The following GAPVD1 variants were observed in gnomAD, a reference collection of about 807,000 sequenced individuals.
GAPVD1 encodes the protein GTPase activating protein and VPS9 domains 1.
A neutral mutation model predicts 155.5 loss-of-function variants in GAPVD1; 35 were observed. That is an observed-to-expected ratio of 0.23 (90% CI 0.17 to 0.30). The LOEUF (loss-of-function observed/expected upper bound fraction) is 0.30, where lower values mean the gene tolerates loss of function less well. Among genes scored for constraint, GAPVD1 ranks in the 10% least tolerant of loss-of-function variants. The probability of loss-of-function intolerance (pLI) is 1.00; values close to 1 mark genes in which losing one functional copy is unlikely to be tolerated. For missense variants in GAPVD1, 1,429 were observed against 1,775.7 expected (o/e 0.80, Z 3.51); for synonymous variants, 636 against 619.7 (o/e 1.03, Z -0.39).
chr9:125,289,286 T>G (rs767864153), intron 2 of GAPVD1, among the ~76,000 whole-genome samples: 2 of 152,150 alleles, frequency 1.3e-5, no homozygotes, highest in Non-Finnish European at 2.9e-5. Flanking sequence ...AGCCCTATGA[T>G]TTGACTCATG....
chr9:125,362,472 A>G (rs1378429888), intron 27 of GAPVD1, 134 bp from the exon 28 acceptor site: 12 of 724,838 alleles, frequency 1.7e-5, no homozygotes, highest in Non-Finnish European at 2.6e-5. Flanking sequence ...ATTACTTCCA[A>G]AAAATAACTT....
At position 125,334,776 on chromosome 9, in the gene GAPVD1, G is replaced by A. The variant is rs989078164; in HGVS notation, c.2428+2147G>A. On this transcript the variant is annotated intron_variant, in intron 15 of 27. Transcript: ENST00000297933. ...AAAAAAATTAGCCAGGTGTGGTGGC[G>A]CATGCCTGTGGTCCCATCTTTAAAA... Among the ~76,000 whole-genome samples the A allele has an allele frequency of 2.0e-5, 3 of 146,764 alleles. 1 individual carries two copies. The highest frequency in any genetic ancestry group is 4.4e-4 in the South Asian group (2 of 4,500).
intron 2 of GAPVD1, among the ~76,000 whole-genome samples, chr9:125,287,451 G>A (rs559192792): frequency 1.9e-4 from 29 of 152,168 alleles, no homozygotes; most frequent in Non-Finnish European, 3.4e-4. Context: ...GAGGCACAGA[G>A]CCATGATGGT....
In GAPVD1 at chr9:125,364,129, G is replaced by A. The variant is rs1388048792; in HGVS notation, c.*1383G>A. 1.3e-5 allele frequency: 2 copies of A among 152,220 alleles called. No individual in the cohort carries two copies. The highest frequency in any genetic ancestry group is 1.3e-4 in the Admixed American group (2 of 15,278). The allele number at this position is 152,220 out of a possible 1,614,324, so 9.4% of individuals were successfully genotyped here. The stretch of plus-strand genomic sequence containing the variant: ...GAGCATTTCCAGGCATCTTTTAAGG[G>A]AACTGTGACAAACAGCCTCGGGCAG... On this transcript the variant is annotated 3_prime_UTR_variant, in exon 28 of 28. Transcript: ENST00000297933.
intron 9 of GAPVD1, among the ~76,000 whole-genome samples, chr9:125,318,183 C>T (rs1158858852): frequency 2.0e-5 from 3 of 152,124 alleles, no homozygotes; most frequent in African/African-American, 7.2e-5. Flanking sequence ...CAGGGTTTCA[C>T]TTTATGTTGG....
intron 18 of GAPVD1, chr9:125,341,996 C>A: frequency 5.1e-6 from 2 of 391,264 alleles, no homozygotes; most frequent in South Asian, 8.4e-5. Context: ...CAATGGATTC[C>A]TGTTAAATTA....
intron 3 of GAPVD1, among the ~76,000 whole-genome samples, chr9:125,297,939 T>G (rs965366782): frequency 1.3e-5 from 2 of 152,036 alleles, no homozygotes; most frequent in Non-Finnish European, 2.9e-5. Context: ...AGAAACGGGG[T>G]TTCATCATGT....
At chr9:125,288,006 C>G (rs1837987397) in intron 2 of GAPVD1, 1 of 152,106 alleles carries the variant, frequency 6.6e-6, no homozygotes, top group Non-Finnish European at 1.5e-5. Flanking sequence ...TCCCAAAATG[C>G]TGGAATTACA....
intron 18 of GAPVD1, chr9:125,341,578 C>T: frequency 5.2e-6 from 1 of 192,308 alleles, no homozygotes. Flanking sequence ...TTAATTATTG[C>T]AGGAAAATGG....
Position 125,360,648 on chromosome 9 carries a change from C to A in GAPVD1, c.4165C>A (p.Leu1389Ile). 1 of 1,613,990 alleles carries A rather than the reference C, an allele frequency of 6.2e-7. No individual in the cohort carries two copies. The highest frequency in any genetic ancestry group is 8.5e-7 in the Non-Finnish European group (1 of 1,179,892). ...ILRMCSTIMN[L>I]LSLANEDSVP... ...GAGAATGTGCTCTACGATTATGAAC[C>A]TCCTGAGCCTGGCCAATGAGGACTC... The change falls in exon 27 of 28, where the codon CTC (leucine) becomes ATC (isoleucine). Residue 1389 changes from leucine to isoleucine, a missense_variant. Physicochemically the swap from Leu to Ile is conservative, Grantham distance 5 (BLOSUM62 2). Coordinates refer to ENST00000297933, the MANE Select transcript of GAPVD1 (RefSeq NM_001282680.3).
At chr9:125,296,271 C>T (rs1186978383) in intron 3 of GAPVD1, among the ~76,000 whole-genome samples, 10 of 150,668 alleles carry the variant, frequency 6.6e-5, no homozygotes, top group East Asian at 2.0e-4. Context: ...CTCCACCTCC[C>T]GGGTTCAAGC....
chr9:125,282,648 T>A (rs982675377), intron 2 of GAPVD1, among the ~76,000 whole-genome samples: 40 of 152,194 alleles, frequency 2.6e-4, no homozygotes, highest in African/African-American at 9.7e-4. Flanking sequence ...TACCCTACCT[T>A]TTAATTGATA....
At chr9:125,351,973 T>C (rs191712271) in intron 23 of GAPVD1, among the ~76,000 whole-genome samples, 2 of 152,238 alleles carry the variant, frequency 1.3e-5, no homozygotes, top group Admixed American at 1.3e-4. Flanking sequence ...ACTCCTGACC[T>C]CAAGTGATCC....
chr9:125,357,251 G>A (rs1850219949), intron 25 of GAPVD1, among the ~76,000 whole-genome samples: 1 of 152,126 alleles, frequency 6.6e-6, no homozygotes, highest in East Asian at 1.9e-4. Flanking sequence ...CACAGTGGTT[G>A]GCTTCTAATA....
rs1315741425 is a variant in GAPVD1 at position 125,337,205 on chromosome 9, T to C, written c.2507-16T>C. 4 of 1,612,400 alleles carry C rather than the reference T, an allele frequency of 2.5e-6. No homozygotes were observed. In the African/African-American group the frequency reaches 5.3e-5, roughly 22 times the overall value. On this transcript the variant is annotated splice_polypyrimidine_tract_variant and intron_variant, in intron 16 of 27. Transcript: ENST00000297933. The stretch of plus-strand genomic sequence containing the variant: ...TGTTGTGTCTCAGTTACAAAACTTT[T>C]TTTCCTGTGTTGCAGGGGCTTCTGC...
intron 10 of GAPVD1, among the ~76,000 whole-genome samples, chr9:125,322,552 T>G (rs906052398): frequency 9.9e-5 from 15 of 152,208 alleles, no homozygotes; most frequent in Admixed American, 9.2e-4. Context: ...AGTTGACGTT[T>G]TAGATTATTC....
rs1834436727 is a variant in GAPVD1 at position 125,268,954 on chromosome 9, G to C, written c.-180G>C. ...TCTTTAGGGGTAAGTGTACTGGAGA[G>C]AGTTGGTTATACATTCTAGGAATCT... is the stretch of plus-strand genomic sequence containing the variant. On this transcript the variant is annotated 5_prime_UTR_variant, in exon 2 of 28. Transcript: ENST00000297933. 6.6e-6 allele frequency: 1 copy of C among 151,736 alleles called. No individual in the cohort carries two copies. Among genetic ancestry groups the C allele is most frequent in the South Asian group, 2.1e-4 (1 of 4,812 alleles). 9.4% of individuals were successfully genotyped at this position (151,736 alleles called of 1,614,324 possible). A position where few individuals can be genotyped will look rare whatever the true frequency, so the allele number is the denominator to read the frequency against.
intron 15 of GAPVD1, among the ~76,000 whole-genome samples, chr9:125,336,223 G>A (rs1400425410): frequency 2.3e-5 from 3 of 130,024 alleles, no homozygotes; most frequent in Non-Finnish European, 4.8e-5. Context: ...TCTAACTATA[G>A]AACAAAAGTA....
In GAPVD1 at chr9:125,362,981, T is replaced by G. The variant is rs925788946; in HGVS notation, c.*235T>G. ...TATTTTCTTGTCCCCAAGTAGAGAC[T>G]AGTACTACAAAAAGGGACCACATTT... is the stretch of plus-strand genomic sequence containing the variant. On this transcript the variant is annotated 3_prime_UTR_variant, in exon 28 of 28. Transcript: ENST00000297933. 3.7e-6 allele frequency: 1 copy of G among 272,362 alleles called. No individual in the cohort carries two copies. The allele number at this position is 272,362 out of a possible 1,614,324, so 16.9% of individuals were successfully genotyped here.
Sources: allele counts gnomAD v4.1 joint callset (sites outside exome capture counted in the v4.1 genomes callset), GRCh38; gene constraint gnomAD v4.1.1; transcripts MANE v1.5; gene names NCBI Gene and HGNC (gene_info 2026-07-23, HGNC 2026-07-21).